Variants in ANKRD30BL observed in about 807,000 individuals in gnomAD.
ANKRD30BL encodes the protein putative ankyrin repeat domain-containing protein 30B-like.
Under a neutral mutation model 18.4 loss-of-function variants are expected in ANKRD30BL, and 20 were observed. The observed-to-expected ratio is 1.09, with a 90% confidence interval of 0.77 to 1.58. ANKRD30BL has a LOEUF of 1.58. Among genes scored for constraint, ANKRD30BL ranks in the 40% most tolerant of loss-of-function variants. The pLI is 0.00. For missense variants in ANKRD30BL, 224 were observed against 268.6 expected (o/e 0.83, Z 1.16); for synonymous variants, 72 against 100.9 (o/e 0.71, Z 1.72).
chr2:132,172,711 C>CTT lies in ANKRD30BL; in HGVS notation n.442-15567_442-15566dup, dbSNP rs36085588. ...TGTTGTTCCACTGTCTTGAGGGTGA[C>CTT]TTTTTTTTTTTTTTGAGATGGAGTC... is the stretch of plus-strand genomic sequence containing the variant. On this transcript the variant is annotated intron_variant and non_coding_transcript_variant, in intron 1 of 4. Transcript: ENST00000470729. Among the ~76,000 whole-genome samples, 728 of 143,502 alleles carry CTT rather than the reference C, an allele frequency of 5.1e-3. 3 individuals carry two copies. Among genetic ancestry groups the CTT allele is most frequent in the African/African-American group, 0.017 (650 of 39,294 alleles). 94.1% of individuals were successfully genotyped at this position (143,502 alleles called of 152,430 possible). A position where few individuals can be genotyped will look rare whatever the true frequency, so the allele number is the denominator to read the frequency against.
upstream of ANKRD30BL, chr2:132,161,982 C>G (rs1033071095): frequency 1.4e-5 from 5 of 349,210 alleles, no homozygotes; most frequent in African/African-American, 1.0e-4. Context: ...CTCAGCAGAC[C>G]TGGGAGACAC....
chr2:132,174,138 G>C (rs1358996092), intron 1 of ANKRD30BL, among the ~76,000 whole-genome samples: 1 of 152,204 alleles, frequency 6.6e-6, no homozygotes, highest in Non-Finnish European at 1.5e-5. Flanking sequence ...GATGGATCAA[G>C]TGGGTTAAAA....
chr2:132,257,052 G>A (rs376947001), intron 1 of ANKRD30BL: 2 of 512,978 alleles, frequency 3.9e-6, no homozygotes, highest in Admixed American at 2.0e-5. Context: ...GCAGCGACCC[G>A]CCTAGGATGC....
intron 1 of ANKRD30BL, among the ~76,000 whole-genome samples, chr2:132,238,935 C>T (rs559976046): frequency 1.6e-4 from 25 of 151,762 alleles, no homozygotes; most frequent in Non-Finnish European, 3.2e-4. Context: ...TGCCTTGAGG[C>T]CTAAGGTGAA....
At chr2:132,206,731 AG>A in intron 1 of ANKRD30BL, among the ~76,000 whole-genome samples, 1 of 152,360 alleles carries the variant, frequency 6.6e-6, no homozygotes, top group South Asian at 2.1e-4. Flanking sequence ...GCTGTGACAA[AG>A]TGGTTCACAT....
intron 1 of ANKRD30BL, among the ~76,000 whole-genome samples, chr2:132,250,443 T>G (rs548537390): frequency 7.9e-5 from 12 of 152,318 alleles, no homozygotes; most frequent in Non-Finnish European, 1.6e-4. Flanking sequence ...CATGAGCATT[T>G]AGAAACACTG....
At chr2:132,255,940 A>T (rs62165003) in intron 1 of ANKRD30BL, among the ~76,000 whole-genome samples, 3 of 152,110 alleles carry the variant, frequency 2.0e-5, no homozygotes, top group Non-Finnish European at 4.4e-5. Flanking sequence ...CCGGCCGGGG[A>T]CGGAGAGGGG....
At chr2:132,207,576 C>T (rs1679234846) in intron 1 of ANKRD30BL, among the ~76,000 whole-genome samples, 2 of 151,234 alleles carry the variant, frequency 1.3e-5, no homozygotes, top group African/African-American at 4.9e-5. Context: ...TGATGGATTT[C>T]TCTTCTCCTT....
chr2:132,252,482 A>G (rs1680678135), intron 1 of ANKRD30BL, among the ~76,000 whole-genome samples: 2 of 134,940 alleles, frequency 1.5e-5, no homozygotes, highest in Non-Finnish European at 3.1e-5. Flanking sequence ...GCACTGCCAG[A>G]TGGGCCGTGT....
Position 132,161,668 on chromosome 2 carries a change from G to A in ANKRD30BL, c.38C>T (p.Thr13Met), listed in dbSNP as rs751958828. Reference protein sequence around the residue: ...RLSAAPVKGQTGPERPSPFSQ... With the variant: ...RLSAAPVKGQMGPERPSPFSQ... ...GAAGGGGCTCGGGCGCTCTGGGCCC[G>A]TCTGGCCCTTGACAGGGGCGGCAGA... Residue 13 changes from threonine (T) to methionine (M), a missense_variant, in exon 1 of 6, where the codon ACG (threonine) becomes ATG (methionine). Coordinates refer to ENST00000409867, the MANE Select transcript of ANKRD30BL (RefSeq NM_001358416.1). The A allele has an allele frequency of 4.8e-6, 7 of 1,448,318 alleles. No individual in the cohort carries two copies. Among genetic ancestry groups the A allele is most frequent in the Non-Finnish European group, 6.6e-6 (7 of 1,056,500 alleles). The allele number at this position is 1,448,318 out of a possible 1,614,324, so 89.7% of individuals were successfully genotyped here.
At position 132,161,564 on chromosome 2, in the gene ANKRD30BL, G is replaced by A. The variant is rs1416249576; in HGVS notation, c.142C>T (p.Arg48Trp). 10 of 1,456,692 alleles carry A rather than the reference G, an allele frequency of 6.9e-6. No homozygotes were observed. Among genetic ancestry groups the A allele is most frequent in the African/African-American group, 1.4e-5 (1 of 70,790 alleles). 90.2% of individuals were successfully genotyped at this position (1,456,692 alleles called of 1,614,324 possible). The stretch of plus-strand genomic sequence containing the variant: ...CTCTCCAGCTTCCAGGCTTGGCCCC[G>A]GGAGGCAGCTTTGTGGATCTTCCTG... ...DLRKIHKAAS[R>W]GQAWKLERMM... Residue 48 changes from arginine to tryptophan, a missense_variant, in exon 1 of 6, where the codon CGG becomes TGG. Coordinates refer to ENST00000409867, the MANE Select transcript of ANKRD30BL (RefSeq NM_001358416.1).
At chr2:132,169,478 C>T (rs2104939951) in intron 1 of ANKRD30BL, among the ~76,000 whole-genome samples, 1 of 152,266 alleles carries the variant, frequency 6.6e-6, no homozygotes, top group Non-Finnish European at 1.5e-5. Flanking sequence ...GAAACCCCAT[C>T]TCTACTAAAA....
intron 1 of ANKRD30BL, among the ~76,000 whole-genome samples, chr2:132,225,687 T>C (rs559808393): frequency 6.6e-6 from 1 of 151,724 alleles, no homozygotes; most frequent in Non-Finnish European, 1.5e-5. Context: ...AGATAGAAGT[T>C]TTTTCCGAAA....
intron 1 of ANKRD30BL, among the ~76,000 whole-genome samples, chr2:132,199,086 T>G (rs189580231): frequency 0.012 from 1,778 of 152,258 alleles, 31 homozygotes; most frequent in African/African-American, 0.041. Flanking sequence ...GTGCAGTGGC[T>G]CACGCCTGTA....
chr2:132,222,516 C>T (rs997473335), intron 1 of ANKRD30BL, among the ~76,000 whole-genome samples: 3 of 152,138 alleles, frequency 2.0e-5, no homozygotes, highest in African/African-American at 7.2e-5. Flanking sequence ...CCTTGGGATC[C>T]TGTTGATCTG....
intron 1 of ANKRD30BL, among the ~76,000 whole-genome samples, chr2:132,199,958 T>A (rs1337822638): frequency 6.6e-6 from 1 of 152,102 alleles, no homozygotes; most frequent in Non-Finnish European, 1.5e-5. Context: ...AAAAAGCTTA[T>A]CCAACACGAT....
chr2:132,255,931 C>G (rs35528905), intron 1 of ANKRD30BL, among the ~76,000 whole-genome samples: 2 of 152,136 alleles, frequency 1.3e-5, no homozygotes, highest in African/African-American at 2.4e-5. Context: ...CCCGACCCCC[C>G]GGCCGGGGAC....
intron 1 of ANKRD30BL, among the ~76,000 whole-genome samples, chr2:132,234,037 C>G (rs555448985): frequency 6.6e-6 from 1 of 152,214 alleles, no homozygotes; most frequent in South Asian, 2.1e-4. Context: ...GAATCTCACT[C>G]AAAACCACTC....
At chr2:132,257,809 G>A (rs548265569) in exon 1 of ANKRD30BL, 8 of 153,556 alleles carry the variant, frequency 5.2e-5, no homozygotes, top group African/African-American at 1.9e-4. Flanking sequence ...TCGCGGTCTG[G>A]GCAGGGGGCC....
Sources: gnomAD v4.1 joint callset for allele counts (sites outside exome capture counted in the v4.1 genomes callset) on GRCh38, gnomAD v4.1.1 for gene constraint, MANE v1.5 for transcripts, NCBI Gene and HGNC (gene_info 2026-07-23, HGNC 2026-07-21) for gene names.